FRK: variants seen among roughly 807,000 people sequenced by gnomAD.
FRK encodes tyrosine-protein kinase FRK.
A neutral mutation model predicts 56.4 loss-of-function variants in FRK; 51 were observed. The observed-to-expected ratio is 0.90, with a 90% CI of 0.72 to 1.14. FRK has a LOEUF of 1.14. Ranked by LOEUF, FRK falls within the 50% of genes most tolerant of loss-of-function variation. FRK has a pLI of 0.00. For synonymous variants in FRK, 245 were observed against 217.9 expected (o/e 1.12, Z -1.10); for missense variants, 570 against 601.4 (o/e 0.95, Z 0.55).
At chr6:116,010,219 A>AT (rs1473281899) in intron 1 of FRK, among the ~76,000 whole-genome samples, 1 of 152,146 alleles carries the variant, frequency 6.6e-6, no homozygotes, top group Non-Finnish European at 1.5e-5. Flanking sequence ...GTCTCGAAAA[A>AT]AAAAAAAATT....
At chr6:116,044,667 T>C (rs11153595) in intron 1 of FRK, among the ~76,000 whole-genome samples, 29,762 of 152,142 alleles carry the variant, frequency 0.2, 3,838 homozygotes, top group Middle Eastern at 0.35. Context: ...CCTTTGAAAA[T>C]TGGCACAAGA....
the FRK span, among the ~76,000 whole-genome samples, chr6:116,079,695 ACCCTCCCACTG>A: frequency 6.6e-6 from 1 of 151,854 alleles, no homozygotes; most frequent in South Asian, 2.1e-4. Context: ...GGCTAAAATG[ACCCTCCCACTG>A]TGTGCCCTGA....
In FRK at chr6:116,001,963, T is replaced by C. The variant is rs1775079201; in HGVS notation, c.466+1914A>G. ...ATTTTTCAAAACAAAAATTGTGTTT[T>C]CTGTGTATGGGGGTATAAGTATGTA... is the stretch of plus-strand genomic sequence containing the variant. On this transcript the variant is annotated intron_variant, in intron 2 of 7. Transcript: ENST00000606080. Among the ~76,000 whole-genome samples, 3 of 152,238 alleles carry C rather than the reference T, an allele frequency of 2.0e-5. No individual in the cohort carries two copies. In the South Asian group the frequency reaches 6.2e-4, roughly 31 times the overall value.
intron 2 of FRK, among the ~76,000 whole-genome samples, chr6:115,990,455 T>C (rs551333391): frequency 3.3e-4 from 50 of 151,516 alleles, no homozygotes; most frequent in Non-Finnish European, 5.8e-4. Flanking sequence ...ATTTTTGTAT[T>C]TAGAGAGAGG....
intron 1 of FRK, among the ~76,000 whole-genome samples, chr6:116,049,001 A>AT (rs1777091338): frequency 6.6e-6 from 1 of 151,916 alleles, no homozygotes; most frequent in South Asian, 2.1e-4. Flanking sequence ...AGTACCACAA[A>AT]TTAAAATTAA....
At chr6:116,100,063 A>G in the FRK span, among the ~76,000 whole-genome samples, 1 of 152,260 alleles carries the variant, frequency 6.6e-6, no homozygotes, top group Non-Finnish European at 1.5e-5. Context: ...AATGTCACTC[A>G]AAACATTTTG....
intron 1 of FRK, among the ~76,000 whole-genome samples, chr6:116,024,734 A>G (rs1300108338): frequency 6.6e-6 from 1 of 152,136 alleles, no homozygotes; most frequent in Non-Finnish European, 1.5e-5. Flanking sequence ...ATACGTGTGC[A>G]TGTGTCTTTA....
chr6:116,008,437 C>T (rs1297516322), intron 1 of FRK, among the ~76,000 whole-genome samples: 1 of 152,158 alleles, frequency 6.6e-6, no homozygotes, highest in Non-Finnish European at 1.5e-5. Flanking sequence ...TAGCTGAGCT[C>T]TGATCAGGAA....
the FRK span, among the ~76,000 whole-genome samples, chr6:116,087,368 A>C: frequency 6.6e-6 from 1 of 152,258 alleles, no homozygotes; most frequent in Non-Finnish European, 1.5e-5. Context: ...TGTACCCAAC[A>C]CATACCAGGT....
chr6:116,015,201 T>C (rs1775606174), intron 1 of FRK, among the ~76,000 whole-genome samples: 1 of 152,172 alleles, frequency 6.6e-6, no homozygotes, highest in African/African-American at 2.4e-5. Context: ...GGGAGATGAC[T>C]GGATCATGAG....
At chr6:115,944,711 T>G (rs539930552) in intron 5 of FRK, among the ~76,000 whole-genome samples, 1 of 152,258 alleles carries the variant, frequency 6.6e-6, no homozygotes, top group South Asian at 2.1e-4. Flanking sequence ...CCTTTTTTCT[T>G]TTTTAAAAAA....
At chr6:116,095,886 T>G in the FRK span, among the ~76,000 whole-genome samples, 19 of 152,216 alleles carry the variant, frequency 1.2e-4, no homozygotes, top group South Asian at 4.0e-3. Flanking sequence ...AGGGACAGTA[T>G]GAGATGCCGC....
intron 1 of FRK, among the ~76,000 whole-genome samples, chr6:116,020,749 T>C (rs1259474117): frequency 1.4e-5 from 2 of 146,084 alleles, no homozygotes; most frequent in Non-Finnish European, 2.9e-5. Context: ...ACACAATTTT[T>C]CCAACTCCTT....
intron 2 of FRK, among the ~76,000 whole-genome samples, chr6:115,980,553 G>T (rs1437235755): frequency 6.6e-6 from 1 of 152,094 alleles, no homozygotes; most frequent in Admixed American, 6.6e-5. Context: ...TAGATTGGCA[G>T]ATTTGTGGAT....
the FRK span, among the ~76,000 whole-genome samples, chr6:116,074,336 T>C: frequency 6.6e-6 from 1 of 151,936 alleles, no homozygotes; most frequent in Non-Finnish European, 1.5e-5. Context: ...CCAGCTCTGC[T>C]GGACTTTCAG....
intron 1 of FRK, among the ~76,000 whole-genome samples, chr6:116,005,489 C>T (rs1582704341): frequency 1.3e-5 from 2 of 152,132 alleles, no homozygotes; most frequent in Admixed American, 1.3e-4. Context: ...GGCAGTAAGT[C>T]TTATAGTCAT....
intron 1 of FRK, among the ~76,000 whole-genome samples, chr6:116,047,890 C>T (rs555887016): frequency 3.3e-5 from 5 of 152,332 alleles, no homozygotes; most frequent in African/African-American, 7.2e-5. Flanking sequence ...GGCCAAAGCC[C>T]GTGATTTGGC....
chr6:115,991,051 T>C (rs1014540991), intron 2 of FRK, among the ~76,000 whole-genome samples: 6 of 151,668 alleles, frequency 4.0e-5, no homozygotes, highest in South Asian at 2.1e-4. Flanking sequence ...TAAGACTGAG[T>C]TCTTGATTGG....
intron 2 of FRK, among the ~76,000 whole-genome samples, chr6:115,988,283 T>G (rs751381519): frequency 6.6e-6 from 1 of 152,114 alleles, no homozygotes; most frequent in Non-Finnish European, 1.5e-5. Flanking sequence ...TAAATTGGAT[T>G]GTGTTTATTT....
Sources: allele counts gnomAD v4.1 joint callset (sites outside exome capture counted in the v4.1 genomes callset), GRCh38; gene constraint gnomAD v4.1.1; transcripts MANE v1.5; gene names NCBI Gene and HGNC (gene_info 2026-07-23, HGNC 2026-07-21).